RBM25: variants seen among roughly 807,000 people sequenced by gnomAD.
RBM25 encodes the protein RNA-binding protein 25.
A neutral mutation model predicts 120.7 loss-of-function variants in RBM25; 19 were observed. The observed-to-expected ratio is 0.16, with a 90% confidence interval of 0.11 to 0.23. The LOEUF (loss-of-function observed/expected upper bound fraction) is 0.23, where lower values mean the gene tolerates loss of function less well. Among genes scored for constraint, RBM25 ranks in the 10% least tolerant of loss-of-function variants. The pLI is 1.00. For synonymous variants in RBM25, 390 were observed against 326.7 expected (o/e 1.19, Z -2.09); for missense variants, 605 against 1,041.5 (o/e 0.58, Z 5.77).
intron 6 of RBM25, among the ~76,000 whole-genome samples, chr14:73,090,776 G>C (rs1407968116): frequency 6.6e-6 from 1 of 152,020 alleles, no homozygotes; most frequent in Non-Finnish European, 1.5e-5. Flanking sequence ...CTTTAATCTT[G>C]TACCTCCACA....
intron 4 of RBM25, among the ~76,000 whole-genome samples, chr14:73,079,425 A>G (rs1895505372): frequency 1.3e-5 from 2 of 150,666 alleles, no homozygotes; most frequent in South Asian, 4.2e-4. Context: ...TTTGTCTCAC[A>G]CACAAAAAAA....
intron 9 of RBM25, chr14:73,100,673 C>T (rs777802803): frequency 1.6e-5 from 3 of 189,762 alleles, no homozygotes; most frequent in Non-Finnish European, 3.2e-5. Flanking sequence ...TTCATTTTCT[C>T]TTTTATTCTT....
chr14:73,112,975 T>C (rs1200147473), intron 17 of RBM25, among the ~76,000 whole-genome samples: 21 of 152,108 alleles, frequency 1.4e-4, no homozygotes, highest in Non-Finnish European at 2.9e-5. Context: ...TGCTAATTTT[T>C]TTTTTCTTTT....
At chr14:73,099,574 C>T in intron 8 of RBM25, 93 bp from the exon 9 acceptor site, 1 of 1,585,710 alleles carries the variant, frequency 6.3e-7, no homozygotes, top group Non-Finnish European at 8.5e-7. Flanking sequence ...CTTATTTACT[C>T]TTTGAGACCT....
At chr14:73,095,950 A>G (rs1428834105) in intron 6 of RBM25, among the ~76,000 whole-genome samples, 1 of 152,172 alleles carries the variant, frequency 6.6e-6, no homozygotes, top group Non-Finnish European at 1.5e-5. Flanking sequence ...TTCCCCACAT[A>G]GAGGGAATAA....
rs549739655 is a variant in RBM25, at chr14:73,090,216, A to G, written c.543+2055A>G. Among the ~76,000 whole-genome samples the G allele has an allele frequency of 9.2e-5, 14 of 152,064 alleles. No homozygotes were observed. In the South Asian group the frequency reaches 2.7e-3, roughly 29 times the overall value. ...TAGGCACCCGCCACCACCCCCAGCT[A>G]ATTTTTATGTTTTTAGTAGAGGTGG... On this transcript the variant is annotated intron_variant, in intron 6 of 18. Transcript: ENST00000261973.
intron 1 of RBM25, among the ~76,000 whole-genome samples, chr14:73,064,166 A>G (rs1193876640): frequency 6.6e-6 from 1 of 151,456 alleles, no homozygotes; most frequent in Non-Finnish European, 1.5e-5. Context: ...ATTTTTCTAC[A>G]AAGTACATAC....
intron 1 of RBM25, among the ~76,000 whole-genome samples, chr14:73,059,676 T>C (rs1894954078): frequency 6.6e-6 from 1 of 152,210 alleles, no homozygotes; most frequent in South Asian, 2.1e-4. Context: ...TCTTTGGAGC[T>C]TTTAATTTTT....
intron 7 of RBM25, among the ~76,000 whole-genome samples, chr14:73,099,001 CTCTT>C (rs932945024): frequency 6.6e-6 from 1 of 152,178 alleles, no homozygotes; most frequent in African/African-American, 2.4e-5. Context: ...TTCATTCTTC[CTCTT>C]TCTTCATTAG....
In RBM25 at chr14:73,071,787, C is replaced by G. The variant is rs751586004; in HGVS notation, c.106+40C>G. ...ACTGTTTTTTGTCGTTAAACTTGTA[C>G]TTTTGTCTTTGTGATACTAACTTCA... On this transcript the variant is annotated intron_variant, in intron 2 of 18. Coordinates refer to ENST00000261973, the MANE Select transcript of RBM25 (RefSeq NM_021239.3). The G allele has an allele frequency of 1.0e-5, 15 of 1,488,872 alleles. No individual in the cohort carries two copies. The South Asian group carries it at 1.4e-4, about 13-fold the overall frequency. 92.2% of individuals were successfully genotyped at this position (1,488,872 alleles called of 1,614,324 possible). A position where few individuals can be genotyped will look rare whatever the true frequency, so the allele number is the denominator to read the frequency against.
chr14:73,086,155 A>C (rs1267357407), intron 5 of RBM25, among the ~76,000 whole-genome samples: 2 of 151,916 alleles, frequency 1.3e-5, no homozygotes, highest in African/African-American at 4.8e-5. Flanking sequence ...ACTCATATTA[A>C]CAGTGGTTTG....
At chr14:73,094,841 GTCTGTGTGTGTGTGTGTGTT>G (rs1895904713) in intron 6 of RBM25, among the ~76,000 whole-genome samples, 1 of 115,450 alleles carries the variant, frequency 8.7e-6, no homozygotes, top group South Asian at 2.6e-4. Flanking sequence ...GTGTGTGTGT[GTCTGTGTGTGTGTGTGTGTT>G]TTTGATGGGG....
rs538622282 is a variant in RBM25, at chr14:73,088,082, A to G, written c.464A>G (p.Lys155Arg). ...RLLHDLQIGE[K>R]KLLVKVDAKT... ...TTACATGACCTGCAAATTGGAGAGA[A>G]AAAGCTACTCGTTAAAGTTGATGCA... Residue 155 changes from lysine to arginine, a missense_variant, in exon 6 of 19, where the codon AAA (lysine) becomes AGA (arginine). Around this residue, in one of 4 missense-constraint regions of RBM25, gnomAD observed 27 missense variants for 109.4 expected, o/e 0.25. Transcript: ENST00000261973. 1 of 1,614,178 alleles carries G rather than the reference A, an allele frequency of 6.2e-7. No individual in the cohort carries two copies. Among genetic ancestry groups the G allele is most frequent in the East Asian group, 2.2e-5 (1 of 44,870 alleles).
chr14:73,069,004 A>G (rs1294089086), intron 1 of RBM25, among the ~76,000 whole-genome samples: 1 of 152,098 alleles, frequency 6.6e-6, no homozygotes, highest in Non-Finnish European at 1.5e-5. Context: ...CCTGGGTTCA[A>G]GTGATTCTCT....
chr14:73,107,737 G>A lies in RBM25; in HGVS notation c.1468-89G>A, dbSNP rs566067478. ...CCCTCTTACTCTTGGTTTATGTCTG[G>A]GTCAGAAAAATCTGTTTACACAAAA... On this transcript the variant is annotated intron_variant, in intron 12 of 18. Transcript: ENST00000261973. The A allele has an allele frequency of 1.8e-5, 17 of 935,240 alleles. 1 individual carries two copies. The South Asian group carries it at 2.3e-4, about 13-fold the overall frequency. 57.9% of individuals were successfully genotyped at this position (935,240 alleles called of 1,614,324 possible).
At chr14:73,067,909 T>G (rs1476307758) in intron 1 of RBM25, among the ~76,000 whole-genome samples, 1 of 152,088 alleles carries the variant, frequency 6.6e-6, no homozygotes, top group Non-Finnish European at 1.5e-5. Flanking sequence ...TGTATTTTGT[T>G]TTTATATGTA....
At chr14:73,079,639 C>T (rs1895512573) in intron 4 of RBM25, among the ~76,000 whole-genome samples, 1 of 150,414 alleles carries the variant, frequency 6.6e-6, no homozygotes, top group South Asian at 2.1e-4. Context: ...CTCCTTATGC[C>T]CCTCTGAGAT....
In RBM25 at chr14:73,118,970, T is replaced by C. The variant is rs548075387; in HGVS notation, c.2440-743T>C. On this transcript the variant is annotated intron_variant, in intron 18 of 18. Coordinates refer to ENST00000261973, the MANE Select transcript of RBM25 (RefSeq NM_021239.3). ...TTTTAGTAGAGATGGGGTTTCGTCA[T>C]GTTGGCCAGGCTGGTCTTGAACTCT... is the stretch of plus-strand genomic sequence containing the variant. Among the ~76,000 whole-genome samples the C allele has an allele frequency of 5.2e-3, 784 of 152,134 alleles. 5 individuals are homozygous for C. The highest frequency in any genetic ancestry group is 0.024 in the South Asian group (118 of 4,820).
chr14:73,069,930 A>G (rs886665422), intron 1 of RBM25: 8 of 149,208 alleles, frequency 5.4e-5, no homozygotes, highest in African/African-American at 1.5e-4. Context: ...GGTATGCACT[A>G]TCATGCTTGG....
Sources: allele counts gnomAD v4.1 joint callset (sites outside exome capture counted in the v4.1 genomes callset), GRCh38; gene constraint gnomAD v4.1.1; regional missense constraint gnomAD v4.1.1; transcripts MANE v1.5; gene names NCBI Gene and HGNC (gene_info 2026-07-23, HGNC 2026-07-21).